SAP130: variants seen among roughly 807,000 people sequenced by gnomAD.
SAP130 encodes the protein Sin3A associated protein 130.
In SAP130, 16 loss-of-function variants were observed where a neutral mutation model predicts 103.2. The observed-to-expected ratio is 0.16, with a 90% CI of 0.10 to 0.24. SAP130 has a LOEUF of 0.24. Ranked by LOEUF, SAP130 falls within the 10% of genes least tolerant of loss-of-function variation. The pLI, the probability that SAP130 is intolerant of heterozygous loss-of-function variation, is 1.00. For synonymous variants in SAP130, 477 were observed against 497.0 expected (o/e 0.96, Z 0.53); for missense variants, 990 against 1,359.7 (o/e 0.73, Z 4.28).
rs1220517713 is a variant in SAP130, at chr2:128,000,145, T to C, written c.1019A>G (p.Lys340Arg). 1 of 1,614,058 alleles carries C rather than the reference T, an allele frequency of 6.2e-7. No homozygotes were observed. The highest frequency in any genetic ancestry group is 1.3e-5 in the African/African-American group (1 of 74,932). The change falls in exon 9 of 21, where the codon AAA becomes AGA. Residue 340 changes from lysine to arginine, a missense_variant and splice_region_variant. Lys to Arg is a conservative substitution (Grantham distance 26). Coordinates refer to ENST00000643581, the MANE Select transcript of SAP130 (RefSeq NM_001330301.2). ...TGGCGTGCCAGTACTGAAGATTGTT[T>C]TCTGTGAGGGAAACCCCACAACACA... is the stretch of plus-strand genomic sequence containing the variant. The part of the protein sequence containing the change: ...PKQQLHTMAQ[K>R]TIFSTGTPVA...
intron 14 of SAP130, among the ~76,000 whole-genome samples, chr2:127,980,988 A>C (rs2104942424): frequency 6.6e-6 from 1 of 152,242 alleles, no homozygotes; most frequent in East Asian, 1.9e-4. Flanking sequence ...AAAAATGCAC[A>C]TCATATGATT....
At position 127,955,494 on chromosome 2, in the gene SAP130, A is replaced by T. The variant is rs888769741; in HGVS notation, c.2064-150T>A. On this transcript the variant is annotated intron_variant, in intron 15 of 20. Coordinates refer to ENST00000643581, the MANE Select transcript of SAP130 (RefSeq NM_001330301.2). This position sits in a 1 kb window ranked among gnomAD's most constrained non-coding sequence, Gnocchi z 4.9. ...TTCCTTTTTTTAAATTTTTAATTTT[A>T]AAAAAATTTTGAGACAGGGTCTCAC... 2 of 550,490 alleles carry T rather than the reference A, an allele frequency of 3.6e-6. No individual in the cohort carries two copies. The highest frequency in any genetic ancestry group is 6.0e-6 in the Non-Finnish European group (2 of 334,498). 34.1% of individuals were successfully genotyped at this position (550,490 alleles called of 1,614,324 possible). A position where few individuals can be genotyped will look rare whatever the true frequency, so the allele number is the denominator to read the frequency against.
rs565790224 is a variant in SAP130, at chr2:127,957,463, C to T, written c.2064-2119G>A. On this transcript the variant is annotated intron_variant, in intron 15 of 20. Coordinates refer to ENST00000643581, the MANE Select transcript of SAP130 (RefSeq NM_001330301.2). Reference sequence around the variant, plus strand: ...GCCATGGCAGGAAGATCGCTTGAGCCCAGGAATTTGACACCAGCCTAGTTA... The same window carrying T: ...GCCATGGCAGGAAGATCGCTTGAGCTCAGGAATTTGACACCAGCCTAGTTA... Among the ~76,000 whole-genome samples, 5 of 152,142 alleles carry T rather than the reference C, an allele frequency of 3.3e-5. No homozygotes were observed. The South Asian group carries it at 8.3e-4, about 25-fold the overall frequency.
intron 2 of SAP130, among the ~76,000 whole-genome samples, chr2:128,023,751 T>C (rs752551478): frequency 1.1e-4 from 17 of 152,174 alleles, no homozygotes; most frequent in Non-Finnish European, 2.5e-4. Flanking sequence ...CACTCCAGCC[T>C]GGGAGACAGA....
chr2:127,964,155 A>G (rs535985703), intron 15 of SAP130, among the ~76,000 whole-genome samples: 13 of 152,298 alleles, frequency 8.5e-5, no homozygotes, highest in African/African-American at 3.1e-4. Context: ...TTTCACACCC[A>G]TTGCACTCCA....
rs773905141 is a variant in SAP130 at position 127,950,322 on chromosome 2, G to A, written c.2509C>T (p.Pro837Ser). 5.0e-6 allele frequency: 8 copies of A among 1,614,188 alleles called. No individual in the cohort carries two copies. The South Asian group carries it at 8.8e-5, about 18-fold the overall frequency. Residue 837 changes from proline (P) to serine (S), a missense_variant, in exon 17 of 21, where the codon CCT becomes TCT. Pro to Ser is a moderately conservative substitution (Grantham distance 74, BLOSUM62 -1). Around this residue, in one of 6 missense-constraint regions of SAP130, gnomAD observed 349 missense variants for 384.1 expected, o/e 0.91. Transcript: ENST00000643581. ...NLSMPTSDLP[P>S]GASPRKKPRK... ...GGCTTTTTCCTTGGGGAGGCACCAG[G>A]TGGTAGGTCACTTGTAGGCATGGAC...
chr2:128,026,369 T>C (rs766209197), intron 1 of SAP130, 71 bp from the exon 2 acceptor site: 7 of 1,079,404 alleles, frequency 6.5e-6, no homozygotes, highest in Non-Finnish European at 1.0e-5. Context: ...AATTAAAGCA[T>C]CTTTAGTACC....
chr2:127,961,733 C>G (rs185788220), intron 15 of SAP130, among the ~76,000 whole-genome samples: 1 of 152,262 alleles, frequency 6.6e-6, no homozygotes, highest in Admixed American at 6.5e-5. Context: ...CCAAGAAATG[C>G]AATGCCCAGC....
intron 15 of SAP130, among the ~76,000 whole-genome samples, chr2:127,974,340 T>C (rs1681303120): frequency 6.6e-6 from 1 of 152,236 alleles, no homozygotes; most frequent in Admixed American, 6.5e-5. Context: ...AGCCATCTTG[T>C]ACAACTCTCA....
intron 2 of SAP130, among the ~76,000 whole-genome samples, chr2:128,023,482 A>G (rs925769810): frequency 1.3e-5 from 2 of 152,086 alleles, no homozygotes; most frequent in African/African-American, 4.8e-5. Context: ...TTCCAGCACT[A>G]TTTTACTGAA....
At chr2:128,013,599 A>G (rs1160642453) in intron 5 of SAP130, among the ~76,000 whole-genome samples, 1 of 152,196 alleles carries the variant, frequency 6.6e-6, no homozygotes, top group Non-Finnish European at 1.5e-5. Context: ...GGGCCTGTGA[A>G]CCACATTTGG....
In SAP130 at chr2:127,998,657, T is replaced by C. The variant is rs148571992; in HGVS notation, c.1213+1084A>G. On this transcript the variant is annotated intron_variant, in intron 10 of 20. Coordinates refer to ENST00000643581, the MANE Select transcript of SAP130 (RefSeq NM_001330301.2). ...TAGGAATACATGTATGTACGTTTCC[T>C]GGTACTTTTTAGTGAGTCTACTTCC... Among the ~76,000 whole-genome samples, 51 of 152,378 alleles carry C rather than the reference T, an allele frequency of 3.3e-4. 1 individual carries two copies. The South Asian group carries it at 6.4e-3, about 19-fold the overall frequency.
At chr2:128,003,374 G>A (rs577942952) in intron 7 of SAP130, among the ~76,000 whole-genome samples, 1 of 150,964 alleles carries the variant, frequency 6.6e-6, no homozygotes, top group South Asian at 2.1e-4. Flanking sequence ...AGGCATCTTG[G>A]CATACACCTA....
intron 4 of SAP130, among the ~76,000 whole-genome samples, chr2:128,015,484 T>C (rs901835016): frequency 2.6e-5 from 4 of 152,156 alleles, no homozygotes; most frequent in Non-Finnish European, 4.4e-5. Flanking sequence ...ACAGTACACC[T>C]CTTTGGGATA....
In SAP130 at chr2:128,010,399, A is replaced by G; in HGVS notation, c.745-6T>C. 6.2e-7 allele frequency: 1 copy of G among 1,605,968 alleles called. No individual in the cohort carries two copies. Among genetic ancestry groups the G allele is most frequent in the Non-Finnish European group, 8.5e-7 (1 of 1,176,844 alleles). The stretch of plus-strand genomic sequence containing the variant: ...GTGGTCACAGGTGGCCGAGACTACC[A>G]AAAGAGAAAAAACAGTTCATTTAAA... On this transcript the variant is annotated splice_polypyrimidine_tract_variant and splice_region_variant and intron_variant, in intron 6 of 20. Transcript: ENST00000643581.
In SAP130 at chr2:127,955,675, A is replaced by G. The variant is rs192947024; in HGVS notation, c.2064-331T>C. Among the ~76,000 whole-genome samples, 24 of 151,968 alleles carry G rather than the reference A, an allele frequency of 1.6e-4. No homozygotes were observed. The East Asian group carries it at 4.3e-3, about 27-fold the overall frequency. On this transcript the variant is annotated intron_variant, in intron 15 of 20. Coordinates refer to ENST00000643581, the MANE Select transcript of SAP130 (RefSeq NM_001330301.2). This position sits in a 1 kb window ranked among gnomAD's most constrained non-coding sequence, Gnocchi z 4.9. ...CTAATTTTTGTATTTTTTTGTGGAG[A>G]TGGGGTTTCACCATGTTGCCCAGGC... is the stretch of plus-strand genomic sequence containing the variant.
intron 15 of SAP130, among the ~76,000 whole-genome samples, chr2:127,959,475 C>G (rs966393206): frequency 7.9e-5 from 12 of 152,226 alleles, no homozygotes; most frequent in Non-Finnish European, 1.8e-4. Context: ...CCTCCCCATC[C>G]CACTACTCAT....
At chr2:127,990,590 G>A (rs969622791) in intron 12 of SAP130, among the ~76,000 whole-genome samples, 3 of 152,140 alleles carry the variant, frequency 2.0e-5, no homozygotes, top group Non-Finnish European at 4.4e-5. Context: ...GACCGGCACT[G>A]TTCAATGGCA....
chr2:128,011,480 T>C (rs1350513173), intron 6 of SAP130, among the ~76,000 whole-genome samples: 1 of 152,124 alleles, frequency 6.6e-6, no homozygotes, highest in African/African-American at 2.4e-5. Context: ...CTACAGCCCT[T>C]TTACCTGCCG....
Sources: allele counts gnomAD v4.1 joint callset (sites outside exome capture counted in the v4.1 genomes callset), GRCh38; gene constraint gnomAD v4.1.1; regional missense constraint gnomAD v4.1.1; non-coding constraint Gnocchi (gnomAD v3.1); transcripts MANE v1.5; gene names NCBI Gene and HGNC (gene_info 2026-07-23, HGNC 2026-07-21).